Variants in TBC1D1 observed in about 807,000 individuals in gnomAD.
TBC1D1 encodes the protein TBC1 (tre-2/USP6, BUB2, cdc16) domain family, member 1.
Under a neutral mutation model 125.6 loss-of-function variants are expected in TBC1D1, and 89 were observed. The observed-to-expected ratio is 0.71, with a 90% CI of 0.60 to 0.85. The LOEUF is 0.85. Ranked by LOEUF, TBC1D1 falls within the 40% of genes least tolerant of loss-of-function variation. The pLI, the probability that TBC1D1 is intolerant of heterozygous loss-of-function variation, is 0.00. For missense variants in TBC1D1, 1,377 were observed against 1,469.2 expected (o/e 0.94, Z 1.03); for synonymous variants, 565 against 564.1 (o/e 1.00, Z -0.02).
At chr4:38,124,822 C>A in intron 17 of TBC1D1, 140 bp from the exon 20 acceptor site, 1 of 619,558 alleles carries the variant, frequency 1.6e-6, no homozygotes, top group Non-Finnish European at 2.9e-6. Context: ...AGATATCAGG[C>A]TCTTAAAAAT....
intron 2 of TBC1D1, among the ~76,000 whole-genome samples, chr4:37,975,153 G>A (rs1168793827): frequency 6.6e-6 from 1 of 152,200 alleles, no homozygotes; most frequent in Non-Finnish European, 1.5e-5. Flanking sequence ...AGGGTAAGGA[G>A]TGTGAGCCAT....
chr4:38,030,071 TC>T, intron 7 of TBC1D1, among the ~76,000 whole-genome samples: 1 of 152,348 alleles, frequency 6.6e-6, no homozygotes, highest in Non-Finnish European at 1.5e-5. Context: ...CATCTTTCTA[TC>T]AAGAATAGAA....
intron 2 of TBC1D1, among the ~76,000 whole-genome samples, chr4:37,919,985 A>C (rs1400773847): frequency 2.6e-5 from 4 of 152,042 alleles, no homozygotes; most frequent in African/African-American, 7.2e-5. Context: ...TGGTGGCGGG[A>C]GCCTGTAGTC....
intron 12 of TBC1D1, chr4:38,055,069 C>T (rs563290779): frequency 2.6e-5 from 4 of 152,260 alleles, no homozygotes; most frequent in African/African-American, 9.6e-5. Context: ...GCCCAGCTCC[C>T]GAGATCTTAT....
intron 2 of TBC1D1, among the ~76,000 whole-genome samples, chr4:37,910,759 A>G (rs1718425617): frequency 6.6e-6 from 1 of 152,160 alleles, no homozygotes; most frequent in Non-Finnish European, 1.5e-5. Context: ...ACCATAGTCA[A>G]TAATAATTAA....
Position 38,059,056 on chromosome 4 carries a change from A to G in TBC1D1, c.2050+4718A>G, listed in dbSNP as rs536434584. 2.1e-4 allele frequency among the ~76,000 whole-genome samples: 32 copies of G among 152,332 alleles called. No individual in the cohort carries two copies. The South Asian group carries it at 4.3e-3, about 21-fold the overall frequency. On this transcript the variant is annotated intron_variant, in intron 12 of 19. Transcript: ENST00000261439. ...ACTCAGGGATGTGTGACTGTTTTCT[A>G]TGCACAAAATCCCCATGAAATAATT...
At chr4:38,057,500 C>T (rs1424383573) in intron 12 of TBC1D1, among the ~76,000 whole-genome samples, 3 of 152,184 alleles carry the variant, frequency 2.0e-5, no homozygotes, top group African/African-American at 4.8e-5. Flanking sequence ...TTAGTGATTT[C>T]TCAACTCCCT....
At chr4:37,946,679 GGGA>G (rs1726758623) in intron 2 of TBC1D1, among the ~76,000 whole-genome samples, 1 of 152,168 alleles carries the variant, frequency 6.6e-6, no homozygotes, top group Non-Finnish European at 1.5e-5. Flanking sequence ...TGAAACCACA[GGGA>G]GGAGAAGTGG....
chr4:38,060,635 C>T (rs1487215531), intron 12 of TBC1D1: 16 of 1,289,076 alleles, frequency 1.2e-5, no homozygotes, highest in Admixed American at 4.6e-5. Context: ...CACTGTGGAT[C>T]GCCATCGTTG....
At chr4:38,101,579 T>C (rs2152556776) in intron 14 of TBC1D1, among the ~76,000 whole-genome samples, 1 of 152,344 alleles carries the variant, frequency 6.6e-6, no homozygotes, top group Non-Finnish European at 1.5e-5. Context: ...CATTTTCTGT[T>C]TTTAGAGCTT....
At chr4:38,117,973 C>T in intron 16 of TBC1D1, 60 bp from the exon 19 acceptor site, 1 of 1,498,362 alleles carries the variant, frequency 6.7e-7, no homozygotes, top group Non-Finnish European at 9.2e-7. Flanking sequence ...GAGCAGTAGG[C>T]ATAACTTTAT....
At chr4:38,059,631 A>G (rs550004026) in intron 12 of TBC1D1, among the ~76,000 whole-genome samples, 1 of 152,350 alleles carries the variant, frequency 6.6e-6, no homozygotes, top group African/African-American at 2.4e-5. Context: ...TGGAAGGACC[A>G]TTCATTCTTG....
chr4:37,921,568 A>G (rs1020514499), intron 2 of TBC1D1, among the ~76,000 whole-genome samples: 24 of 151,142 alleles, frequency 1.6e-4, no homozygotes, highest in Admixed American at 6.6e-5. Flanking sequence ...CACCATGCCC[A>G]GCTAATTTTT....
In TBC1D1 at chr4:38,045,883, A is replaced by G; in HGVS notation, c.1609A>G (p.Thr537Ala). Residue 537 changes from threonine (T) to alanine (A), a missense_variant, in exon 10 of 20, where the codon ACA (threonine) becomes GCA (alanine). Physicochemically the swap from Thr to Ala is moderately conservative, Grantham distance 58. Coordinates refer to ENST00000261439, the MANE Select transcript of TBC1D1 (RefSeq NM_015173.4). ...GGATCTGGATAGCTCCCTGTCTAGT[A>G]CATTAAGTAACACCAGCAAAGTAAG... 1 of 1,614,062 alleles carries G rather than the reference A, an allele frequency of 6.2e-7. No homozygotes were observed. The highest frequency in any genetic ancestry group is 8.5e-7 in the Non-Finnish European group (1 of 1,179,956).
chr4:38,052,456 C>T (rs1356745940), intron 11 of TBC1D1, among the ~76,000 whole-genome samples: 1 of 151,190 alleles, frequency 6.6e-6, no homozygotes, highest in Non-Finnish European at 1.5e-5. Flanking sequence ...CTCAGCCTCC[C>T]GAGTAGCTGG....
At chr4:37,901,802 A>G (rs1716080434) in intron 1 of TBC1D1, among the ~76,000 whole-genome samples, 2 of 131,472 alleles carry the variant, frequency 1.5e-5, no homozygotes, top group East Asian at 4.3e-4. Flanking sequence ...TGTTACCTGT[A>G]ATGAGTGTGA....
At chr4:37,962,862 C>T (rs1020724804) in intron 2 of TBC1D1, among the ~76,000 whole-genome samples, 20 of 152,160 alleles carry the variant, frequency 1.3e-4, no homozygotes, top group African/African-American at 4.1e-4. Context: ...TTAAAAATCA[C>T]CCTAAGTCCA....
At chr4:38,101,705 G>A (rs1760366528) in intron 14 of TBC1D1, among the ~76,000 whole-genome samples, 1 of 152,162 alleles carries the variant, frequency 6.6e-6, no homozygotes, top group African/African-American at 2.4e-5. Flanking sequence ...TCTCAGCTAT[G>A]ATTAGCTTAC....
chr4:37,950,972 C>T (rs1727735111), intron 2 of TBC1D1, among the ~76,000 whole-genome samples: 1 of 152,046 alleles, frequency 6.6e-6, no homozygotes, highest in Admixed American at 6.5e-5. Context: ...CCATGTTGGC[C>T]AAGCTGGTCT....
Sources: allele counts gnomAD v4.1 joint callset (sites outside exome capture counted in the v4.1 genomes callset), GRCh38; gene constraint gnomAD v4.1.1; transcripts MANE v1.5; gene names NCBI Gene and HGNC (gene_info 2026-07-23, HGNC 2026-07-21).